The following CLOCK variants were observed in gnomAD, a reference collection of about 807,000 sequenced individuals.
CLOCK encodes circadian locomoter output cycles protein kaput.
Under a neutral mutation model 118.4 loss-of-function variants are expected in CLOCK, and 43 were observed. That is an observed-to-expected ratio of 0.36 (90% CI 0.28 to 0.47). CLOCK has a LOEUF of 0.47. Ranked by LOEUF, CLOCK falls within the 20% of genes least tolerant of loss-of-function variation. The pLI is 1.00. For missense variants in CLOCK, 846 were observed against 999.9 expected, an observed-to-expected ratio of 0.85 and a Z score of 2.08; for synonymous variants, 326 against 339.2, an observed-to-expected ratio of 0.96 and a Z score of 0.43.
chr4:55,452,111 C>T (rs1387054170), intron 15 of CLOCK: 1 of 152,210 alleles, frequency 6.6e-6, no homozygotes, highest in African/African-American at 2.4e-5. Context: ...CATGCCCTTG[C>T]ATAATCCTCC....
rs1303780539 is a variant in CLOCK at position 55,531,717 on chromosome 4, A to G, written c.-290+15065T>C. Among the ~76,000 whole-genome samples, 3 of 149,114 alleles carry G rather than the reference A, an allele frequency of 2.0e-5. No individual in the cohort carries two copies. The East Asian group carries it at 5.8e-4, about 29-fold the overall frequency. On this transcript the variant is annotated intron_variant, in intron 1 of 22. Transcript: ENST00000513440. ...AGACTTCGTCTCAAAAAAAAAAAAA[A>G]AAAAAAAAAAAAAAGGAATTAACCC...
rs191803720 is a variant in CLOCK at position 55,434,239 on chromosome 4, T to C, written c.*1176A>G. On this transcript the variant is annotated 3_prime_UTR_variant, in exon 23 of 23. Coordinates refer to ENST00000513440, the MANE Select transcript of CLOCK (RefSeq NM_004898.4). ...GGGGTTTTTTCCCCTCAAATAACCC[T>C]GAATCATTTCTGACTAAAAGAAGCA... 2 of 152,722 alleles carry C rather than the reference T, an allele frequency of 1.3e-5. No homozygotes were observed. Among genetic ancestry groups the C allele is most frequent in the Admixed American group, 1.3e-4 (2 of 15,294 alleles). 9.5% of individuals were successfully genotyped at this position (152,722 alleles called of 1,614,324 possible). A position where few individuals can be genotyped will look rare whatever the true frequency, so the allele number is the denominator to read the frequency against.
intron 4 of CLOCK, among the ~76,000 whole-genome samples, chr4:55,481,064 T>C (rs1726899254): frequency 6.6e-6 from 1 of 152,120 alleles, no homozygotes; most frequent in Non-Finnish European, 1.5e-5. Flanking sequence ...AGAGCATTGG[T>C]GGCTAACTCA....
At chr4:55,546,468 C>A (rs1479045385) in intron 1 of CLOCK, 3 of 148,266 alleles carry the variant, frequency 2.0e-5, no homozygotes, top group African/African-American at 7.4e-5. Flanking sequence ...CCCTCCCCTT[C>A]CCCGCGCCCT....
In CLOCK at chr4:55,488,738, T is replaced by C. The variant is rs779112865; in HGVS notation, c.-44+636A>G. Among the ~76,000 whole-genome samples the C allele has an allele frequency of 3.3e-5, 5 of 152,152 alleles. No individual in the cohort carries two copies. The South Asian group carries it at 1.0e-3, about 32-fold the overall frequency. On this transcript the variant is annotated intron_variant, in intron 3 of 22. Coordinates refer to ENST00000513440, the MANE Select transcript of CLOCK (RefSeq NM_004898.4). The stretch of plus-strand genomic sequence containing the variant: ...GTCACCAGTCTCTACCACATTATCC[T>C]TTTTTTTGTACACGTAAGACAAGGT...
At chr4:55,522,408 A>T (rs1331708631) in intron 1 of CLOCK, among the ~76,000 whole-genome samples, 1 of 152,122 alleles carries the variant, frequency 6.6e-6, no homozygotes, top group Admixed American at 6.5e-5. Context: ...AATATACCAC[A>T]GAAGATTAGT....
intron 1 of CLOCK, among the ~76,000 whole-genome samples, chr4:55,512,250 T>C (rs1246167240): frequency 6.6e-6 from 1 of 152,232 alleles, no homozygotes; most frequent in South Asian, 2.1e-4. Context: ...CAGCACTGGA[T>C]GTAGTTAGTA....
chr4:55,545,106 G>C (rs1200176596), intron 1 of CLOCK, among the ~76,000 whole-genome samples: 1 of 145,972 alleles, frequency 6.9e-6, no homozygotes, highest in Non-Finnish European at 1.5e-5. Context: ...GGGTACATGT[G>C]CACAACGTGC....
intron 1 of CLOCK, among the ~76,000 whole-genome samples, chr4:55,539,039 C>T (rs10005989): frequency 0.42 from 63,057 of 151,812 alleles, 14,696 homozygotes; most frequent in African/African-American, 0.63. Context: ...TGGAGACCTG[C>T]GTGGCCAACA....
At chr4:55,485,647 G>A (rs745325224) in intron 3 of CLOCK, among the ~76,000 whole-genome samples, 12 of 151,980 alleles carry the variant, frequency 7.9e-5, no homozygotes, top group South Asian at 2.1e-4. Context: ...TTTTAAGTTC[G>A]ACATTAGACC....
At chr4:55,458,782 T>A in intron 11 of CLOCK, 110 bp downstream of exon 11, 1 of 729,958 alleles carries the variant, frequency 1.4e-6, no homozygotes, top group Non-Finnish European at 2.4e-6. Flanking sequence ...AATATTATCA[T>A]GCATATTTAA....
At position 55,470,728 on chromosome 4, in the gene CLOCK, C is replaced by G; in HGVS notation, c.427G>C (p.Glu143Gln). The G allele has an allele frequency of 6.3e-7, 1 of 1,599,300 alleles. No homozygotes were observed. Among genetic ancestry groups the G allele is most frequent in the South Asian group, 1.1e-5 (1 of 90,208 alleles). ...YVSESVTSLL[E>Q]HLPSDLVDQS... ...ATCTTTATACTTACTGGTAAATGTT[C>G]AAGTAATGAAGTTACACTCTCAGAC... The change falls in exon 8 of 23, where the codon GAA becomes CAA. Residue 143 changes from glutamate to glutamine, a missense_variant. This residue lies in a region of CLOCK where 246 missense variants were observed against 300.2 expected (regional missense o/e 0.82). Coordinates refer to ENST00000513440, the MANE Select transcript of CLOCK (RefSeq NM_004898.4).
chr4:55,522,629 T>A (rs1729918051), intron 1 of CLOCK, among the ~76,000 whole-genome samples: 2 of 152,104 alleles, frequency 1.3e-5, no homozygotes, highest in Admixed American at 6.5e-5. Flanking sequence ...AACAGTAAGA[T>A]TAACAGCCAT....
At chr4:55,459,353 G>T in intron 9 of CLOCK, 92 bp from the exon 10 acceptor site, 2 of 807,356 alleles carry the variant, frequency 2.5e-6, no homozygotes, top group Non-Finnish European at 4.2e-6. Flanking sequence ...AGTTGTGTAA[G>T]TTTACAACCA....
chr4:55,439,475 T>G (rs1193816186), intron 21 of CLOCK, among the ~76,000 whole-genome samples: 1 of 152,136 alleles, frequency 6.6e-6, no homozygotes, highest in Non-Finnish European at 1.5e-5. Flanking sequence ...AAAAATTCAC[T>G]ATAGGATTAC....
In CLOCK at chr4:55,521,438, G is replaced by C. The variant is rs555906751; in HGVS notation, c.-289-11373C>G. Among the ~76,000 whole-genome samples, 90 of 152,300 alleles carry C rather than the reference G, an allele frequency of 5.9e-4. No individual in the cohort carries two copies. In the Middle Eastern group the frequency reaches 0.01, roughly 17 times the overall value. ...TCACCGTGTTAGTCACACCGGTCTTGAACTCCTGACCTAAGGTGATCCACC... is the reference window on the plus strand; with the variant it reads ...TCACCGTGTTAGTCACACCGGTCTTCAACTCCTGACCTAAGGTGATCCACC... On this transcript the variant is annotated intron_variant, in intron 1 of 22. Transcript: ENST00000513440.
chr4:55,481,994 C>A (rs1165483210), intron 4 of CLOCK, among the ~76,000 whole-genome samples: 2 of 152,118 alleles, frequency 1.3e-5, no homozygotes, highest in Non-Finnish European at 2.9e-5. Flanking sequence ...GTTAAGATCA[C>A]CACTATTTTA....
intron 1 of CLOCK, among the ~76,000 whole-genome samples, chr4:55,541,445 A>C (rs902715028): frequency 6.6e-6 from 1 of 152,216 alleles, no homozygotes; most frequent in African/African-American, 2.4e-5. Flanking sequence ...AAAAACTATA[A>C]GGAAACAGAT....
At chr4:55,463,439 G>A (rs1287674186) in intron 9 of CLOCK, among the ~76,000 whole-genome samples, 1 of 151,854 alleles carries the variant, frequency 6.6e-6, no homozygotes, top group Non-Finnish European at 1.5e-5. Flanking sequence ...ACAGCTTTAT[G>A]GCATAATGGG....
Sources: allele counts gnomAD v4.1 joint callset (sites outside exome capture counted in the v4.1 genomes callset), GRCh38; gene constraint gnomAD v4.1.1; regional missense constraint gnomAD v4.1.1; transcripts MANE v1.5; gene names NCBI Gene and HGNC (gene_info 2026-07-23, HGNC 2026-07-21).